PLA2G4A: variants seen among roughly 807,000 people sequenced by gnomAD.
PLA2G4A encodes phospholipase A2 group IVA.
A neutral mutation model predicts 81.9 loss-of-function variants in PLA2G4A; 40 were observed. That is an observed-to-expected ratio of 0.49 (90% CI 0.38 to 0.64). The LOEUF (loss-of-function observed/expected upper bound fraction) is 0.64, where lower values mean the gene tolerates loss of function less well. Ranked by LOEUF, PLA2G4A falls within the 30% of genes least tolerant of loss-of-function variation. The pLI is 0.00. For missense variants in PLA2G4A, 715 were observed against 905.1 expected (o/e 0.79, Z 2.69); for synonymous variants, 302 against 296.9 (o/e 1.02, Z -0.18).
At chr1:186,869,154 T>C (rs1057200449) in intron 2 of PLA2G4A, among the ~76,000 whole-genome samples, 1 of 152,128 alleles carries the variant, frequency 6.6e-6, no homozygotes. Flanking sequence ...TTTTTTAATA[T>C]ATGCATTCAG....
intron 16 of PLA2G4A, among the ~76,000 whole-genome samples, chr1:186,978,232 A>C (rs911452497): frequency 3.3e-5 from 5 of 152,210 alleles, no homozygotes; most frequent in Non-Finnish European, 7.3e-5. Flanking sequence ...TTTCACAGAA[A>C]ACAAGAATCA....
chr1:186,851,657 A>G (rs958428727), intron 1 of PLA2G4A, among the ~76,000 whole-genome samples: 2 of 152,016 alleles, frequency 1.3e-5, no homozygotes, highest in Non-Finnish European at 2.9e-5. Flanking sequence ...AATCGTAAGG[A>G]TTATATCACT....
At chr1:186,950,991 T>C (rs1571434885) in intron 13 of PLA2G4A, among the ~76,000 whole-genome samples, 1 of 152,216 alleles carries the variant, frequency 6.6e-6, no homozygotes, top group South Asian at 2.1e-4. Context: ...ATGGTAGAAA[T>C]GCTGAATTCT....
intron 1 of PLA2G4A, among the ~76,000 whole-genome samples, chr1:186,834,096 TA>T (rs1185318684): frequency 1.3e-5 from 2 of 152,208 alleles, no homozygotes; most frequent in African/African-American, 4.8e-5. Context: ...CAAATGTCAT[TA>T]ATATGTATTC....
intron 13 of PLA2G4A, among the ~76,000 whole-genome samples, chr1:186,954,710 CAT>C (rs1332929393): frequency 1.3e-5 from 2 of 152,108 alleles, no homozygotes; most frequent in Non-Finnish European, 2.9e-5. Flanking sequence ...ATCACGCACA[CAT>C]ACACACACAG....
intron 1 of PLA2G4A, among the ~76,000 whole-genome samples, chr1:186,835,695 A>G (rs1353766818): frequency 6.6e-6 from 1 of 152,212 alleles, no homozygotes; most frequent in Non-Finnish European, 1.5e-5. Context: ...AAATTTCTGT[A>G]GTTCACTTTC....
intron 15 of PLA2G4A, among the ~76,000 whole-genome samples, chr1:186,970,315 C>T (rs1196060856): frequency 6.6e-6 from 1 of 151,996 alleles, no homozygotes; most frequent in African/African-American, 2.4e-5. Flanking sequence ...AATCCCTTGT[C>T]AGATGGATAG....
intron 13 of PLA2G4A, among the ~76,000 whole-genome samples, chr1:186,954,776 C>A (rs142135483): frequency 6.6e-6 from 1 of 151,788 alleles, no homozygotes; most frequent in East Asian, 1.9e-4. Context: ...CAGAAAAAAA[C>A]GGGGTTTAGG....
chr1:186,932,294 C>CTTT (rs67757094), intron 7 of PLA2G4A, among the ~76,000 whole-genome samples: 14 of 138,564 alleles, frequency 1.0e-4, no homozygotes, highest in African/African-American at 1.3e-4. Context: ...TTTTCTTTTT[C>CTTT]TTTTTTTTTT....
chr1:186,911,411 T>C, intron 7 of PLA2G4A, 22 bp downstream of exon 7: 1 of 1,551,684 alleles, frequency 6.4e-7, no homozygotes. Flanking sequence ...ATTTTTCAAG[T>C]GTTACTATAC....
chr1:186,949,461 T>G (rs1656473120), intron 12 of PLA2G4A, among the ~76,000 whole-genome samples: 1 of 150,674 alleles, frequency 6.6e-6, no homozygotes, highest in African/African-American at 2.4e-5. Context: ...GAAAAGAAAA[T>G]AAATGTAGGA....
At chr1:186,840,130 C>A (rs1571323775) in intron 1 of PLA2G4A, among the ~76,000 whole-genome samples, 1 of 151,778 alleles carries the variant, frequency 6.6e-6, no homozygotes, top group Admixed American at 6.6e-5. Context: ...AGGTGCCCAC[C>A]ACCATGCCTG....
chr1:186,831,649 TCA>T (rs1651595115), intron 1 of PLA2G4A, among the ~76,000 whole-genome samples: 1 of 152,116 alleles, frequency 6.6e-6, no homozygotes, highest in Non-Finnish European at 1.5e-5. Context: ...TAAAGATAAA[TCA>T]CACTCACTGC....
intron 7 of PLA2G4A, among the ~76,000 whole-genome samples, chr1:186,926,098 T>C (rs1445361319): frequency 6.6e-6 from 1 of 152,202 alleles, no homozygotes; most frequent in Non-Finnish European, 1.5e-5. Context: ...GCTTAGACTC[T>C]TGAGTTAGAA....
intron 14 of PLA2G4A, among the ~76,000 whole-genome samples, chr1:186,957,553 AG>A (rs1656798179): frequency 6.6e-6 from 1 of 152,222 alleles, no homozygotes; most frequent in Non-Finnish European, 1.5e-5. Flanking sequence ...TCGAGCTGCA[AG>A]GGAATCTGGC....
chr1:186,965,021 T>A (rs936224599), intron 14 of PLA2G4A, among the ~76,000 whole-genome samples: 4 of 152,340 alleles, frequency 2.6e-5, no homozygotes, highest in Admixed American at 1.3e-4. Context: ...CACCTGTCTG[T>A]TATAAGAATT....
At chr1:186,947,610 T>TA (rs1656391073) in intron 12 of PLA2G4A, among the ~76,000 whole-genome samples, 1 of 152,186 alleles carries the variant, frequency 6.6e-6, no homozygotes, top group Non-Finnish European at 1.5e-5. Flanking sequence ...AAATTTGACT[T>TA]AAAGCAAACA....
At chr1:186,925,532 C>T (rs1476721119) in intron 7 of PLA2G4A, among the ~76,000 whole-genome samples, 1 of 152,132 alleles carries the variant, frequency 6.6e-6, no homozygotes, top group Non-Finnish European at 1.5e-5. Context: ...CAGAATCTTT[C>T]CCCGGTTGGA....
At chr1:186,835,256 A>G (rs1647034825) in intron 1 of PLA2G4A, among the ~76,000 whole-genome samples, 1 of 152,198 alleles carries the variant, frequency 6.6e-6, no homozygotes, top group South Asian at 2.1e-4. Flanking sequence ...CTTATGGAAA[A>G]AAGTATTTTT....
Sources: allele counts gnomAD v4.1 joint callset (sites outside exome capture counted in the v4.1 genomes callset), GRCh38; gene constraint gnomAD v4.1.1; transcripts MANE v1.5; gene names NCBI Gene and HGNC (gene_info 2026-07-23, HGNC 2026-07-21).